The following OSBPL6 variants were observed in gnomAD, a reference collection of about 807,000 sequenced individuals.
The protein encoded by OSBPL6 is oxysterol binding protein like 6, also known as oxysterol-binding protein-related protein 6.
Under a neutral mutation model 125.8 loss-of-function variants are expected in OSBPL6, and 49 were observed. The ratio of observed to expected loss-of-function variants is 0.39; its 90% confidence interval spans 0.31 to 0.49. The LOEUF is 0.49. Among genes scored for constraint, OSBPL6 ranks in the 20% least tolerant of loss-of-function variants. The pLI, the probability that OSBPL6 is intolerant of heterozygous loss-of-function variation, is 0.88. For missense variants in OSBPL6, 986 were observed against 1,135.4 expected, an observed-to-expected ratio of 0.87 and a Z score of 1.89; for synonymous variants, 394 against 391.8, an observed-to-expected ratio of 1.01 and a Z score of -0.07.
intron 1 of OSBPL6, among the ~76,000 whole-genome samples, chr2:178,241,623 C>G (rs2091298041): frequency 6.6e-6 from 1 of 152,036 alleles, no homozygotes; most frequent in Non-Finnish European, 1.5e-5. Context: ...TCCATGTTGG[C>G]CAGGCTGGTC....
chr2:178,359,599 A>G (rs1692136659), intron 12 of OSBPL6, among the ~76,000 whole-genome samples: 1 of 152,200 alleles, frequency 6.6e-6, no homozygotes, highest in Non-Finnish European at 1.5e-5. Flanking sequence ...AGTTATCTGC[A>G]CTCACATGTT....
rs1196581907 is a variant in OSBPL6, at chr2:178,331,605, T to C, written c.372T>C (p.Asp124=). ...GMLKYSKAPL[D]IQKGKVHGSI... ...TAAAGTATTCAAAGGCACCACTCGA[T>C]GTAAGTAGCACACAGGACATGTTTC... The change falls in exon 6 of 25, where the codon GAT becomes GAC. Residue 124 remains aspartate, a splice_region_variant and synonymous_variant. Coordinates refer to ENST00000190611, the MANE Select transcript of OSBPL6 (RefSeq NM_032523.4). The C allele has an allele frequency of 2.5e-6, 4 of 1,614,064 alleles. No individual in the cohort carries two copies. Among genetic ancestry groups the C allele is most frequent in the South Asian group, 1.1e-5 (1 of 91,086 alleles).
chr2:178,263,217 G>A (rs140706987), intron 1 of OSBPL6, among the ~76,000 whole-genome samples: 2,030 of 152,288 alleles, frequency 0.013, 49 homozygotes, highest in African/African-American at 0.046. Flanking sequence ...AGTGGCTCAC[G>A]CCTGTAATAC....
At chr2:178,271,254 C>T (rs1053932330) in intron 1 of OSBPL6, among the ~76,000 whole-genome samples, 1 of 152,030 alleles carries the variant, frequency 6.6e-6, no homozygotes, top group Admixed American at 6.6e-5. Flanking sequence ...ATACAGGAAG[C>T]TTTAGTCATA....
intron 3 of OSBPL6, among the ~76,000 whole-genome samples, chr2:178,317,080 C>A (rs1300135038): frequency 6.6e-6 from 1 of 151,668 alleles, no homozygotes; most frequent in African/African-American, 2.4e-5. Flanking sequence ...TGTTTTCCCC[C>A]CAAAATTTCT....
At chr2:178,312,501 G>T (rs916459555) in intron 3 of OSBPL6, among the ~76,000 whole-genome samples, 60 of 151,452 alleles carry the variant, frequency 4.0e-4, no homozygotes, top group African/African-American at 1.4e-3. Flanking sequence ...TGTTGCCCAG[G>T]CTGGAGTGCA....
intron 13 of OSBPL6, among the ~76,000 whole-genome samples, chr2:178,362,622 A>G (rs1300355654): frequency 6.6e-6 from 1 of 152,196 alleles, no homozygotes; most frequent in East Asian, 1.9e-4. Flanking sequence ...GAGCAAGCAA[A>G]TCCTGGGTAA....
chr2:178,326,524 A>T (rs11897816), intron 4 of OSBPL6, among the ~76,000 whole-genome samples: 46,120 of 152,072 alleles, frequency 0.3, 7,201 homozygotes, highest in African/African-American at 0.36. Flanking sequence ...TTCAATTTTC[A>T]GAAATCAATT....
chr2:178,252,129 G>A (rs1158673474), intron 1 of OSBPL6, among the ~76,000 whole-genome samples: 1 of 61,896 alleles, frequency 1.6e-5, no homozygotes, highest in Non-Finnish European at 3.1e-5. Context: ...TGCCAAAAAG[G>A]TATAAAAACT....
At chr2:178,388,681 T>C (rs1487917361) in intron 20 of OSBPL6, among the ~76,000 whole-genome samples, 1 of 152,212 alleles carries the variant, frequency 6.6e-6, no homozygotes, top group African/African-American at 2.4e-5. Context: ...CTAAAAACTC[T>C]TCCTTCTGTG....
chr2:178,234,131 A>G (rs2090951734), intron 1 of OSBPL6, among the ~76,000 whole-genome samples: 1 of 152,222 alleles, frequency 6.6e-6, no homozygotes, highest in African/African-American at 2.4e-5. Context: ...TAATTACCAT[A>G]TATGTCTGAA....
intron 4 of OSBPL6, among the ~76,000 whole-genome samples, chr2:178,324,838 C>A (rs946946566): frequency 5.3e-5 from 8 of 152,262 alleles, no homozygotes; most frequent in African/African-American, 1.9e-4. Flanking sequence ...AGCAAGAATT[C>A]AAACTTAGAC....
chr2:178,379,261 C>CAAAGAAAGAGAAAGAAAGAAAGAAAAG (rs1694185329), intron 15 of OSBPL6, among the ~76,000 whole-genome samples: 1 of 110,810 alleles, frequency 9.0e-6, no homozygotes, highest in East Asian at 3.3e-4. Context: ...GAAAGAAAAA[C>CAAAGAAAGAGAAAGAAAGAAAGAAAAG]AAAGAAAGAG....
chr2:178,366,692 C>A (rs997751781), intron 13 of OSBPL6, among the ~76,000 whole-genome samples: 2 of 152,168 alleles, frequency 1.3e-5, no homozygotes, highest in Non-Finnish European at 2.9e-5. Flanking sequence ...ATCTGTCATC[C>A]TCCCTGTCCA....
chr2:178,394,577 T>C, intron 24 of OSBPL6, 142 bp downstream of exon 24: 1 of 1,121,570 alleles, frequency 8.9e-7, no homozygotes, highest in East Asian at 2.5e-5. Flanking sequence ...TGAATCGATT[T>C]TGCACTTATG....
intron 23 of OSBPL6, among the ~76,000 whole-genome samples, chr2:178,394,047 G>A (rs754420496): frequency 6.6e-6 from 1 of 152,110 alleles, no homozygotes; most frequent in Non-Finnish European, 1.5e-5. Context: ...AAGTCTTCAA[G>A]GCCAAACCAC....
chr2:178,245,457 TAGAAAGAATTC>T (rs1183607927), intron 1 of OSBPL6, among the ~76,000 whole-genome samples: 1 of 152,154 alleles, frequency 6.6e-6, no homozygotes, highest in Non-Finnish European at 1.5e-5. Context: ...GTATAGGACA[TAGAAAGAATTC>T]AGCCACACAC....
At chr2:178,236,247 T>C (rs1163867762) in intron 1 of OSBPL6, among the ~76,000 whole-genome samples, 6 of 152,184 alleles carry the variant, frequency 3.9e-5, no homozygotes, top group Non-Finnish European at 8.8e-5. Flanking sequence ...ATAAGTTTAG[T>C]GAGTAGTGCT....
intron 1 of OSBPL6, among the ~76,000 whole-genome samples, chr2:178,246,779 A>G (rs1190332089): frequency 1.3e-5 from 2 of 152,172 alleles, no homozygotes; most frequent in Non-Finnish European, 2.9e-5. Flanking sequence ...TCCACTCCAG[A>G]AAGTCTTCCA....
Sources: allele counts gnomAD v4.1 joint callset (sites outside exome capture counted in the v4.1 genomes callset), GRCh38; gene constraint gnomAD v4.1.1; transcripts MANE v1.5; gene names NCBI Gene and HGNC (gene_info 2026-07-23, HGNC 2026-07-21).